OR51D1: variants seen among roughly 807,000 people sequenced by gnomAD.
The protein encoded by OR51D1 is olfactory receptor family 51 subfamily D member 1, also known as olfactory receptor 51D1.
For synonymous variants in OR51D1, 187 were observed against 161.1 expected (o/e 1.16, Z -1.22); for missense variants, 452 against 396.2 (o/e 1.14, Z -1.20).
In OR51D1 at chr11:4,640,596, T is replaced by C. The variant is rs79020081; in HGVS notation, c.806T>C (p.Ile269Thr). The change falls in exon 2 of 2, where the codon ATT becomes ACT. Residue 269 changes from isoleucine (I) to threonine (T), a missense_variant. By Grantham distance (89) the Ile-to-Thr change is moderately conservative. Coordinates refer to ENST00000641817, the MANE Select transcript of OR51D1 (RefSeq NM_001004751.3). Reference protein sequence around the residue: ...CAVLVFYVPLIGLSVVHRLGG... With the variant: ...CAVLVFYVPLTGLSVVHRLGG... ...GTTCTGGTCTTCTATGTACCCCTCA[T>C]TGGGCTCTCGGTGGTGCATAGGCTG... 124,667 of 1,613,450 alleles carry C rather than the reference T, an allele frequency of 0.077. 5,461 individuals are homozygous for C. The highest frequency in any genetic ancestry group is 0.091 in the Non-Finnish European group (106,925 of 1,179,876).
rs1360024456 is a variant in OR51D1 at position 4,640,346 on chromosome 11, A to G, written c.556A>G (p.Thr186Ala). 7 of 1,614,078 alleles carry G rather than the reference A, an allele frequency of 4.3e-6. No homozygotes were observed. The Admixed American group carries it at 5.0e-5, about 12-fold the overall frequency. The change falls in exon 2 of 2, where the codon ACT becomes GCT. Residue 186 changes from threonine to alanine, a missense_variant. Thr to Ala is a moderately conservative substitution (Grantham distance 58). Transcript: ENST00000641817. Reference sequence around the variant, plus strand: ...GTGGTTGTCCTACTGCCAAACACATACTGTCACACACTCCTTCTGTCTGCA... The same window carrying G: ...GTGGTTGTCCTACTGCCAAACACATGCTGTCACACACTCCTTCTGTCTGCA... ...LKWLSYCQTH[T>A]VTHSFCLHQD...
rs11033145 is a variant in OR51D1 at position 4,642,485 on chromosome 11, A to G, written c.*1720A>G. The G allele has an allele frequency of 0.33, 48,779 of 148,658 alleles. 8,988 individuals carry two copies. The highest frequency in any genetic ancestry group is 0.51 in the East Asian group (2,565 of 4,984). 9.2% of individuals were successfully genotyped at this position (148,658 alleles called of 1,614,324 possible). On this transcript the variant is annotated 3_prime_UTR_variant, in exon 2 of 2. Coordinates refer to ENST00000641817, the MANE Select transcript of OR51D1 (RefSeq NM_001004751.3). ...AGGCAGGAGAAACGCTTGAGCCCGC[A>G]AGGTGGAGGTTGCAGTGAGCCGAGA...
At position 4,640,657 on chromosome 11, in the gene OR51D1, T is replaced by C; in HGVS notation, c.867T>C (p.Ala289=). The C allele has an allele frequency of 6.2e-7, 1 of 1,613,980 alleles. No individual in the cohort carries two copies. The highest frequency in any genetic ancestry group is 1.1e-5 in the South Asian group (1 of 91,052). The change falls in exon 2 of 2, where the codon GCT becomes GCC. Residue 289 remains alanine, a synonymous_variant. Transcript: ENST00000641817. ...GPTSLLHVVM[A]NTYLLLPPVV... Reference sequence around the variant, plus strand: ...CCTCCCTCCTCCATGTGGTTATGGCTAATACCTACTTGCTGCTACCACCTG... The same window carrying C: ...CCTCCCTCCTCCATGTGGTTATGGCCAATACCTACTTGCTGCTACCACCTG...
chr11:4,640,878 ATT>A lies in OR51D1; in HGVS notation c.*115_*116del. 1 of 938,800 alleles carries A rather than the reference ATT, an allele frequency of 1.1e-6. No homozygotes were observed. Among genetic ancestry groups the A allele is most frequent in the African/African-American group, 1.6e-5 (1 of 60,824 alleles). The allele number at this position is 938,800 out of a possible 1,614,324, so 58.2% of individuals were successfully genotyped here. The stretch of plus-strand genomic sequence containing the variant: ...CCTATTGTGCTGTCTTCTTCCAGCA[ATT>A]TAAGTAGATCATGTATTCTGTCTCC... On this transcript the variant is annotated 3_prime_UTR_variant, in exon 2 of 2. Coordinates refer to ENST00000641817, the MANE Select transcript of OR51D1 (RefSeq NM_001004751.3).
In OR51D1 at chr11:4,639,597, T is replaced by A. The variant is rs1589858274; in HGVS notation, c.-14-180T>A. ...TGGAGGGTCAGGGTAAGGCTCAAGATGTCCAGGAAGTTGTATATAAGGAGA... is the reference window on the plus strand; with the variant it reads ...TGGAGGGTCAGGGTAAGGCTCAAGAAGTCCAGGAAGTTGTATATAAGGAGA... On this transcript the variant is annotated intron_variant, in intron 1 of 1. Transcript: ENST00000641817. 3 of 619,152 alleles carry A rather than the reference T, an allele frequency of 4.8e-6. No individual in the cohort carries two copies. In the East Asian group the frequency reaches 8.2e-5, roughly 17 times the overall value. 38.4% of individuals were successfully genotyped at this position (619,152 alleles called of 1,614,324 possible). A position where few individuals can be genotyped will look rare whatever the true frequency, so the allele number is the denominator to read the frequency against.
At chr11:4,638,927 G>A (rs1448048805) in intron 1 of OR51D1, among the ~76,000 whole-genome samples, 1 of 152,054 alleles carries the variant, frequency 6.6e-6, no homozygotes. Context: ...TGAGTAGCTG[G>A]GATTACAGGT....
rs775956719 is a variant in OR51D1, at chr11:4,642,104, G to A, written c.*1339G>A. 3.3e-5 allele frequency: 5 copies of A among 152,162 alleles called. No individual in the cohort carries two copies. The highest frequency in any genetic ancestry group is 7.4e-5 in the Non-Finnish European group (5 of 68,002). 9.4% of individuals were successfully genotyped at this position (152,162 alleles called of 1,614,324 possible). A position where few individuals can be genotyped will look rare whatever the true frequency, so the allele number is the denominator to read the frequency against. The stretch of plus-strand genomic sequence containing the variant: ...ATGACTCTAAGATGCCCAGTTTCTC[G>A]GCCTGGGGTCAGCCTGGGTGATAGC... On this transcript the variant is annotated 3_prime_UTR_variant, in exon 2 of 2. Transcript: ENST00000641817.
Position 4,640,689 on chromosome 11 carries a change from A to AC in OR51D1, c.904dup (p.Leu302ProfsTer45), listed in dbSNP as rs766533040. 1 of 1,610,400 alleles carries AC rather than the reference A, an allele frequency of 6.2e-7. No individual in the cohort carries two copies. Among genetic ancestry groups the AC allele is most frequent in the Admixed American group, 1.7e-5 (1 of 59,728 alleles). On this transcript the variant is annotated frameshift_variant, in exon 2 of 2. Coordinates refer to ENST00000641817, the MANE Select transcript of OR51D1 (RefSeq NM_001004751.3). LOFTEE classifies it high-confidence loss of function. ...TACTTGCTGCTACCACCTGTAGTCA[A>AC]CCCCCTTGTCTATGGAGCCAAGACC...
In OR51D1 at chr11:4,640,050, C is replaced by A; in HGVS notation, c.260C>A (p.Ser87Tyr). The change falls in exon 2 of 2, where the codon TCC (serine) becomes TAC (tyrosine). Residue 87 changes from serine to tyrosine, a missense_variant. Transcript: ENST00000641817. Reference protein sequence around the residue: ...AMLSTIDLVLSSITMPKMASL... With the variant: ...AMLSTIDLVLYSITMPKMASL... The stretch of plus-strand genomic sequence containing the variant: ...CTTTCCACTATTGACCTAGTCCTCT[C>A]CTCTATCACCATGCCCAAGATGGCC... 1.2e-6 allele frequency: 2 copies of A among 1,614,188 alleles called. No homozygotes were observed.
At position 4,640,489 on chromosome 11, in the gene OR51D1, C is replaced by T. The variant is rs767290990; in HGVS notation, c.699C>T (p.Leu233=). 5.6e-6 allele frequency: 9 copies of T among 1,614,088 alleles called. No homozygotes were observed. The South Asian group carries it at 9.9e-5, about 18-fold the overall frequency. The change falls in exon 2 of 2, where the codon CTC becomes CTT. Residue 233 remains leucine (L), a synonymous_variant. Coordinates refer to ENST00000641817, the MANE Select transcript of OR51D1 (RefSeq NM_001004751.3). ...DSLFIGFSYI[L]ILWAVLELSS... is the part of the protein sequence containing the mutation. ...TCTTCATTGGCTTCTCATATATCCT[C>T]ATCCTGTGGGCTGTTTTGGAGCTGT... is the stretch of plus-strand genomic sequence containing the variant.
intron 1 of OR51D1, among the ~76,000 whole-genome samples, chr11:4,638,701 C>T (rs1846925576): frequency 6.6e-6 from 1 of 152,182 alleles, no homozygotes; most frequent in African/African-American, 2.4e-5. Flanking sequence ...TCCCTGCCCC[C>T]AAGAACACCA....
Position 4,640,783 on chromosome 11 carries a change from C to T in OR51D1, c.*18C>T, listed in dbSNP as rs934177771. 1 of 1,586,844 alleles carries T rather than the reference C, an allele frequency of 6.3e-7. No homozygotes were observed. The highest frequency in any genetic ancestry group is 1.8e-5 in the Admixed American group (1 of 56,458). On this transcript the variant is annotated 3_prime_UTR_variant, in exon 2 of 2. Transcript: ENST00000641817. ...GCAAGTGAGACACCTTAGTGTCTCG[C>T]TTCTACTACTACTACAGAAGATGGG...
chr11:4,640,428 T>G lies in OR51D1; in HGVS notation c.638T>G (p.Leu213Arg), dbSNP rs747328859. ...TDTRVNVVYG[L>R]FIILSVMGVD... ...ACCAGGGTCAATGTGGTTTATGGAC[T>G]CTTCATCATCCTCTCAGTCATGGGT... Residue 213 changes from leucine (L) to arginine (R), a missense_variant, in exon 2 of 2, where the codon CTC becomes CGC. Coordinates refer to ENST00000641817, the MANE Select transcript of OR51D1 (RefSeq NM_001004751.3). 14 of 1,614,066 alleles carry G rather than the reference T, an allele frequency of 8.7e-6. No individual in the cohort carries two copies. In the East Asian group the frequency reaches 2.9e-4, roughly 33 times the overall value.
chr11:4,639,133 G>A lies in OR51D1; in HGVS notation c.-14-644G>A, dbSNP rs1409596218. On this transcript the variant is annotated intron_variant, in intron 1 of 1. Coordinates refer to ENST00000641817, the MANE Select transcript of OR51D1 (RefSeq NM_001004751.3). ...AAAAGATTTCCAAAACCTTGCCCTG[G>A]CAATTCTGATTTTCTGGGCCTGGAG... Among the ~76,000 whole-genome samples the A allele has an allele frequency of 7.9e-5, 12 of 152,252 alleles. No homozygotes were observed. In the East Asian group the frequency reaches 2.1e-3, roughly 27 times the overall value.
In OR51D1 at chr11:4,640,260, T is replaced by G. The variant is rs138840569; in HGVS notation, c.470T>G (p.Ile157Ser). 6.2e-7 allele frequency: 1 copy of G among 1,614,218 alleles called. No individual in the cohort carries two copies. Among genetic ancestry groups the G allele is most frequent in the Non-Finnish European group, 8.5e-7 (1 of 1,180,038 alleles). The part of the protein sequence containing the change: ...SVLTGCTVAK[I>S]GLSALTRGFV... Reference sequence around the variant, plus strand: ...CTGACAGGGTGTACTGTGGCCAAGATTGGACTATCTGCCCTGACCAGGGGG... The same window carrying G: ...CTGACAGGGTGTACTGTGGCCAAGAGTGGACTATCTGCCCTGACCAGGGGG... Residue 157 changes from isoleucine to serine, a missense_variant, in exon 2 of 2, where the codon ATT (isoleucine) becomes AGT (serine). Physicochemically the swap from Ile to Ser is moderately radical, Grantham distance 142. Transcript: ENST00000641817.
intron 1 of OR51D1, among the ~76,000 whole-genome samples, chr11:4,639,086 T>A (rs4910655): frequency 2.0e-5 from 3 of 152,102 alleles, no homozygotes; most frequent in Non-Finnish European, 1.5e-5. Flanking sequence ...CCACTGTACC[T>A]GGCGGGGCTT....
At position 4,641,035 on chromosome 11, in the gene OR51D1, G is replaced by A. The variant is rs968471675; in HGVS notation, c.*270G>A. 78 of 377,134 alleles carry A rather than the reference G, an allele frequency of 2.1e-4. No individual in the cohort carries two copies. Among genetic ancestry groups the A allele is most frequent in the Non-Finnish European group, 3.2e-4 (66 of 206,394 alleles). The allele number at this position is 377,134 out of a possible 1,614,324, so 23.4% of individuals were successfully genotyped here. On this transcript the variant is annotated 3_prime_UTR_variant, in exon 2 of 2. Transcript: ENST00000641817. ...TAGAAAATACATCTAGTTTTGACAT[G>A]GGGAGGCTGTAAAGATCACACCTCA...
intron 1 of OR51D1, 93 bp from the exon 2 acceptor site, chr11:4,639,684 G>A (rs369147438): frequency 5.9e-6 from 7 of 1,186,572 alleles, no homozygotes; most frequent in African/African-American, 4.6e-5. Context: ...GTTTGTTACT[G>A]TCACCACTCC....
chr11:4,640,549 C>G lies in OR51D1; in HGVS notation c.759C>G (p.Thr253=), dbSNP rs770085086. ...SRRAALKAFN[T]CISHLCAVLV... is the part of the protein sequence containing the mutation. Reference sequence around the variant, plus strand: ...GGGCAGCACTCAAGGCTTTCAACACCTGCATCTCCCACCTCTGTGCTGTTC... The same window carrying G: ...GGGCAGCACTCAAGGCTTTCAACACGTGCATCTCCCACCTCTGTGCTGTTC... Residue 253 remains threonine, a synonymous_variant, in exon 2 of 2, where the codon ACC becomes ACG. Transcript: ENST00000641817. 6.2e-7 allele frequency: 1 copy of G among 1,613,844 alleles called. No individual in the cohort carries two copies. Among genetic ancestry groups the G allele is most frequent in the East Asian group, 2.2e-5 (1 of 44,848 alleles).
Sources: allele counts gnomAD v4.1 joint callset (sites outside exome capture counted in the v4.1 genomes callset), GRCh38; gene constraint gnomAD v4.1.1; transcripts MANE v1.5; gene names NCBI Gene and HGNC (gene_info 2026-07-23, HGNC 2026-07-21).